The following MGMT variants were observed in gnomAD, a reference collection of about 807,000 sequenced individuals.
MGMT encodes methylated-DNA--protein-cysteine methyltransferase.
A neutral mutation model predicts 15.9 loss-of-function variants in MGMT; 14 were observed. That is an observed-to-expected ratio of 0.88 (90% CI 0.58 to 1.37). MGMT has a LOEUF of 1.37. MGMT is among the 40% of genes most tolerant of loss of function. MGMT has a pLI of 0.00. For missense variants in MGMT, 282 were observed against 268.1 expected, an observed-to-expected ratio of 1.05 and a Z score of -0.36; for synonymous variants, 130 against 118.2, an observed-to-expected ratio of 1.10 and a Z score of -0.65.
At chr10:129,515,785 C>T (rs1442799056) in intron 1 of MGMT, among the ~76,000 whole-genome samples, 1 of 152,142 alleles carries the variant, frequency 6.6e-6, no homozygotes, top group Non-Finnish European at 1.5e-5. Flanking sequence ...GTTTACTTAG[C>T]GGGAGTAATT....
chr10:129,677,591 AG>A (rs1847799964), intron 2 of MGMT, among the ~76,000 whole-genome samples: 3 of 152,218 alleles, frequency 2.0e-5, no homozygotes, highest in African/African-American at 2.4e-5. Flanking sequence ...GTTTGTAAGC[AG>A]TGCCTCTGCC....
intron 2 of MGMT, among the ~76,000 whole-genome samples, chr10:129,668,773 A>G (rs931552790): frequency 2.6e-5 from 4 of 152,212 alleles, no homozygotes; most frequent in African/African-American, 9.6e-5. Context: ...TTTCAGTTTC[A>G]GAGTAATTTT....
At chr10:129,528,666 G>A (rs530119383) in intron 1 of MGMT, among the ~76,000 whole-genome samples, 8 of 152,128 alleles carry the variant, frequency 5.3e-5, no homozygotes, top group Admixed American at 2.0e-4. Context: ...CCGTGGTGGC[G>A]GAGTGGCCGT....
intron 2 of MGMT, among the ~76,000 whole-genome samples, chr10:129,625,343 A>T (rs1847134356): frequency 6.6e-6 from 1 of 152,254 alleles, no homozygotes; most frequent in African/African-American, 2.4e-5. Context: ...AGAAGAGAGA[A>T]TAATTCCTAG....
intron 2 of MGMT, among the ~76,000 whole-genome samples, chr10:129,567,805 C>T (rs1589871066): frequency 6.6e-6 from 1 of 152,154 alleles, no homozygotes; most frequent in Non-Finnish European, 1.5e-5. Context: ...CAAGTGATAT[C>T]TTCGAGTAAA....
chr10:129,563,510 G>C (rs1846304131), intron 2 of MGMT, among the ~76,000 whole-genome samples: 1 of 152,158 alleles, frequency 6.6e-6, no homozygotes, highest in Non-Finnish European at 1.5e-5. Flanking sequence ...ACTGCTGTAA[G>C]ATAAATGGTT....
chr10:129,657,674 A>AACAC (rs60284981), intron 2 of MGMT, among the ~76,000 whole-genome samples: 7,196 of 93,356 alleles, frequency 0.077, 317 homozygotes, highest in African/African-American at 0.13. Flanking sequence ...CAGCTCCTCC[A>AACAC]ACACACACAC....
intron 3 of MGMT, among the ~76,000 whole-genome samples, chr10:129,741,144 TTGAAAAGTGGTC>T (rs1412422258): frequency 6.6e-6 from 1 of 152,132 alleles, no homozygotes; most frequent in Non-Finnish European, 1.5e-5. Context: ...GATTTGACTT[TTGAAAAGTGGTC>T]TGAAAGTCAG....
rs577179444 is a variant in MGMT, at chr10:129,708,123, T to C, written c.274+80T>C. Reference sequence around the variant, plus strand: ...ATCGCTGACATCACAGTTCATTTTATTGAGTATACCAACTTGGTATTTTTA... The same window carrying C: ...ATCGCTGACATCACAGTTCATTTTACTGAGTATACCAACTTGGTATTTTTA... On this transcript the variant is annotated intron_variant, in intron 3 of 4. Coordinates refer to ENST00000651593, the MANE Select transcript of MGMT (RefSeq NM_002412.5). 7.0e-5 allele frequency: 105 copies of C among 1,508,936 alleles called. 1 individual carries two copies. The African/African-American group carries it at 1.2e-3, about 17-fold the overall frequency. 93.5% of individuals were successfully genotyped at this position (1,508,936 alleles called of 1,614,324 possible).
chr10:129,595,624 G>C (rs1367949073), intron 2 of MGMT, among the ~76,000 whole-genome samples: 2 of 152,134 alleles, frequency 1.3e-5, no homozygotes, highest in African/African-American at 4.8e-5. Context: ...CTCTTCTTGG[G>C]GCGGGGCCCA....
intron 2 of MGMT, among the ~76,000 whole-genome samples, chr10:129,671,405 A>C (rs1359780073): frequency 6.6e-6 from 1 of 151,408 alleles, no homozygotes; most frequent in East Asian, 1.9e-4. Context: ...TTGGTAAACT[A>C]TGGCCTGGGG....
intron 2 of MGMT, among the ~76,000 whole-genome samples, chr10:129,655,197 C>A (rs1264380220): frequency 6.6e-6 from 1 of 152,188 alleles, no homozygotes; most frequent in East Asian, 1.9e-4. Context: ...GGGGGCCCCG[C>A]GGAGGGCCTG....
rs1465986399 is a variant in MGMT at position 129,659,362 on chromosome 10, A to AAAAC, written c.126-48530_126-48529insCAAA. On this transcript the variant is annotated intron_variant, in intron 2 of 4. Transcript: ENST00000651593. This position sits in a 1 kb window ranked among gnomAD's most constrained non-coding sequence, Gnocchi z 4.1. ...GCAGAGCGAGACTCCCTGTGTGGAA[A>AAAAC]AAAAAAAAAAAGATACTCAGATGTA... Among the ~76,000 whole-genome samples, 2 of 151,638 alleles carry AAAAC rather than the reference A, an allele frequency of 1.3e-5. No homozygotes were observed. Among genetic ancestry groups the AAAAC allele is most frequent in the African/African-American group, 4.8e-5 (2 of 41,262 alleles).
At chr10:129,725,910 C>T (rs1848428421) in intron 3 of MGMT, among the ~76,000 whole-genome samples, 1 of 152,234 alleles carries the variant, frequency 6.6e-6, no homozygotes, top group East Asian at 1.9e-4. Flanking sequence ...CAACCAGCCC[C>T]TTCTAGCTCC....
chr10:129,503,596 T>A (rs186772629), intron 1 of MGMT, among the ~76,000 whole-genome samples: 4 of 152,336 alleles, frequency 2.6e-5, no homozygotes, highest in Non-Finnish European at 5.9e-5. Flanking sequence ...CTGTTTCTGT[T>A]GAGGGTGATT....
intron 3 of MGMT, among the ~76,000 whole-genome samples, chr10:129,738,953 A>G (rs759075679): frequency 1.3e-5 from 2 of 152,218 alleles, no homozygotes; most frequent in African/African-American, 2.4e-5. Context: ...AAGTTTATCC[A>G]CCACCATCAA....
At position 129,707,988 on chromosome 10, in the gene MGMT, C is replaced by T. The variant is rs373690274; in HGVS notation, c.219C>T (p.Pro73=). 4.1e-4 allele frequency: 666 copies of T among 1,613,596 alleles called. No homozygotes were observed. Among genetic ancestry groups the T allele is most frequent in the Non-Finnish European group, 5.3e-4 (626 of 1,180,006 alleles). The part of the protein sequence containing the change: ...TAWLNAYFHQ[P]EAIEEFPVPA... ...GGCTGAATGCCTATTTCCACCAGCC[C>T]GAGGCTATCGAAGAGTTCCCCGTGC... The change falls in exon 3 of 5, where the codon CCC becomes CCT. Residue 73 remains proline (P), a synonymous_variant. Coordinates refer to ENST00000651593, the MANE Select transcript of MGMT (RefSeq NM_002412.5).
chr10:129,650,652 G>A (rs893382689), intron 2 of MGMT, among the ~76,000 whole-genome samples: 8 of 152,166 alleles, frequency 5.3e-5, no homozygotes, highest in South Asian at 4.1e-4. Flanking sequence ...CTGTGTAATC[G>A]CCACCTCTGA....
chr10:129,485,374 C>T (rs1229202968), intron 1 of MGMT, among the ~76,000 whole-genome samples: 2 of 152,222 alleles, frequency 1.3e-5, no homozygotes, highest in Non-Finnish European at 2.9e-5. Context: ...CTTGGCACAG[C>T]CTGGAGGCTG....
Sources: gnomAD v4.1 joint callset for allele counts (sites outside exome capture counted in the v4.1 genomes callset) on GRCh38, gnomAD v4.1.1 for gene constraint, Gnocchi (gnomAD v3.1) non-coding constraint, MANE v1.5 for transcripts, NCBI Gene and HGNC (gene_info 2026-07-23, HGNC 2026-07-21) for gene names.